SMARCA4: variants seen among roughly 807,000 people sequenced by gnomAD.
The protein encoded by SMARCA4 is SWI/SNF-related matrix-associated actin-dependent regulator of chromatin subfamily A member 4.
In SMARCA4, 31 loss-of-function variants were observed where a neutral mutation model predicts 193.9. That is an observed-to-expected ratio of 0.16 (90% CI 0.12 to 0.22). SMARCA4 has a LOEUF of 0.22. SMARCA4 is among the 10% of genes least tolerant of loss of function. SMARCA4 has a pLI of 1.00. For synonymous variants in SMARCA4, 942 were observed against 933.1 expected (o/e 1.01, Z -0.17); for missense variants, 1,148 against 2,296.0 (o/e 0.50, Z 10.22).
chr19:11,044,451 C>T (rs548655667), intron 30 of SMARCA4, among the ~76,000 whole-genome samples: 4 of 152,286 alleles, frequency 2.6e-5, no homozygotes, highest in Admixed American at 2.6e-4. Flanking sequence ...AAAGACAACA[C>T]AATTTAAAGC....
intron 24 of SMARCA4, among the ~76,000 whole-genome samples, chr19:11,029,731 T>G (rs566612351): frequency 6.6e-6 from 1 of 152,154 alleles, no homozygotes; most frequent in African/African-American, 2.4e-5. Flanking sequence ...TGGAGTGCAG[T>G]GGCATGATCT....
chr19:11,035,261 C>T, intron 29 of SMARCA4, 129 bp downstream of exon 29: 1 of 863,690 alleles, frequency 1.2e-6, no homozygotes. Flanking sequence ...TGGCCAGGCT[C>T]CGCAGGCAGC....
chr19:11,022,130 G>A (rs1438751626), intron 19 of SMARCA4, among the ~76,000 whole-genome samples, 163 bp downstream of exon 19: 1 of 152,364 alleles, frequency 6.6e-6, no homozygotes, highest in East Asian at 1.9e-4. Flanking sequence ...CAAGGCTGGG[G>A]CAGCCACAAG....
In SMARCA4 at chr19:11,060,032, C is replaced by T. The variant is rs532169644; in HGVS notation, c.4769-13C>T. On this transcript the variant is annotated splice_polypyrimidine_tract_variant and intron_variant, in intron 33 of 34. Coordinates refer to ENST00000344626, the MANE Select transcript of SMARCA4 (RefSeq NM_003072.5). ...AGAGCTCAAGGCTGTCTTTCCCTCC[C>T]GGTCCCCTCCAGCTCGGTCCGTCAA... is the stretch of plus-strand genomic sequence containing the variant. 2.4e-5 allele frequency: 38 copies of T among 1,578,362 alleles called. No individual in the cohort carries two copies. Among genetic ancestry groups the T allele is most frequent in the Middle Eastern group, 1.7e-4 (1 of 6,012 alleles).
chr19:11,000,503 G>C (rs1196272575), intron 11 of SMARCA4, among the ~76,000 whole-genome samples: 4 of 152,050 alleles, frequency 2.6e-5, no homozygotes, highest in Non-Finnish European at 1.5e-5. Flanking sequence ...TTCCAGCCTG[G>C]GGAGCTTTTT....
intron 20 of SMARCA4, 45 bp downstream of exon 20, chr19:11,023,676 G>T: frequency 8.2e-7 from 1 of 1,215,392 alleles, no homozygotes; most frequent in African/African-American, 1.5e-5. Context: ...AGCCTCACGT[G>T]GGGGCTTTCT....
At position 11,010,980 on chromosome 19, in the gene SMARCA4, A is replaced by G. The variant is rs185792100; in HGVS notation, c.2274+449A>G. The G allele has an allele frequency of 2.2e-3, 566 of 261,152 alleles. 2 individuals are homozygous for G. Among genetic ancestry groups the G allele is most frequent in the Non-Finnish European group, 3.5e-3 (456 of 129,428 alleles). The allele number at this position is 261,152 out of a possible 1,614,324, so 16.2% of individuals were successfully genotyped here. On this transcript the variant is annotated intron_variant, in intron 15 of 34. Coordinates refer to ENST00000344626, the MANE Select transcript of SMARCA4 (RefSeq NM_003072.5). ...CGGCGAGCGTCAGGAGCTTAGATCT[A>G]GGAGCCGGCAGCCCTGGACTCCGCT...
intron 30 of SMARCA4, among the ~76,000 whole-genome samples, chr19:11,057,452 C>T (rs572652410): frequency 1.3e-5 from 2 of 152,288 alleles, no homozygotes; most frequent in South Asian, 2.1e-4. Context: ...CATCCCAGGC[C>T]GGCTGCAGTG....
intron 1 of SMARCA4, among the ~76,000 whole-genome samples, chr19:10,976,891 A>G (rs2085176677): frequency 6.6e-6 from 1 of 151,994 alleles, no homozygotes; most frequent in African/African-American, 2.4e-5. Context: ...CCCTGTCTCT[A>G]CTAAAATACA....
intron 30 of SMARCA4, among the ~76,000 whole-genome samples, chr19:11,042,574 A>G (rs551117367): frequency 6.6e-6 from 1 of 152,358 alleles, no homozygotes; most frequent in Middle Eastern, 3.4e-3. Context: ...GCGTGGGGGA[A>G]TTGTATCTGT....
intron 21 of SMARCA4, 72 bp from the exon 22 acceptor site, chr19:11,025,350 C>A: frequency 2.1e-6 from 2 of 965,068 alleles, no homozygotes; most frequent in Non-Finnish European, 3.4e-6. Context: ...TCCCAACACC[C>A]ACCCATCCAC....
In SMARCA4 at chr19:11,031,272, A is replaced by G. The variant is rs1332924548; in HGVS notation, c.3546+379A>G. ...ACACACTGGCGCTTGTTCAGACACAATTGGGGGTAAACTCCATGCCACTTC... is the reference window on the plus strand; with the variant it reads ...ACACACTGGCGCTTGTTCAGACACAGTTGGGGGTAAACTCCATGCCACTTC... On this transcript the variant is annotated intron_variant, in intron 25 of 34. Transcript: ENST00000344626. The surrounding 1 kb of genome is among the most constrained non-coding windows in gnomAD (Gnocchi z 4.3). The G allele has an allele frequency of 6.2e-6, 2 of 321,870 alleles. No individual in the cohort carries two copies. Among genetic ancestry groups the G allele is most frequent in the Admixed American group, 8.4e-5 (2 of 23,896 alleles). The allele number at this position is 321,870 out of a possible 1,614,324, so 19.9% of individuals were successfully genotyped here.
chr19:11,000,063 T>C (rs2087479409), intron 11 of SMARCA4, among the ~76,000 whole-genome samples: 2 of 151,378 alleles, frequency 1.3e-5, no homozygotes, highest in Admixed American at 1.3e-4. Context: ...TCGTCTCTGC[T>C]AAAAATACAA....
At chr19:11,054,944 C>T (rs2076459291) in intron 30 of SMARCA4, among the ~76,000 whole-genome samples, 1 of 152,078 alleles carries the variant, frequency 6.6e-6, no homozygotes, top group Admixed American at 6.6e-5. Flanking sequence ...GGTGGTGGCG[C>T]CTATCCAGAG....
At chr19:11,061,633 T>C (rs952432637) in intron 34 of SMARCA4, 151 bp from the exon 35 acceptor site, 106 of 775,428 alleles carry the variant, frequency 1.4e-4, no homozygotes, top group African/African-American at 5.6e-4. Context: ...GCCTTGGCCT[T>C]CCAAAGTGCT....
At chr19:11,017,789 C>T (rs939563510) in intron 16 of SMARCA4, among the ~76,000 whole-genome samples, 1 of 152,258 alleles carries the variant, frequency 6.6e-6, no homozygotes, top group African/African-American at 2.4e-5. Flanking sequence ...TCCAAGATGC[C>T]ATCAGGGACC....
chr19:11,036,412 A>G (rs902963481), intron 29 of SMARCA4, among the ~76,000 whole-genome samples: 1 of 152,164 alleles, frequency 6.6e-6, no homozygotes, highest in African/African-American at 2.4e-5. Flanking sequence ...GGTACACACC[A>G]ACACGCCTGG....
intron 11 of SMARCA4, among the ~76,000 whole-genome samples, chr19:10,996,864 G>A (rs532990859): frequency 1.1e-4 from 16 of 152,188 alleles, no homozygotes; most frequent in Admixed American, 6.5e-4. Flanking sequence ...CCATTTTCAC[G>A]TTTTGTGTTT....
intron 13 of SMARCA4, among the ~76,000 whole-genome samples, chr19:11,004,155 T>C (rs755679997): frequency 1.3e-5 from 2 of 152,126 alleles, no homozygotes; most frequent in Non-Finnish European, 2.9e-5. Flanking sequence ...TAGCTGGGAC[T>C]TCAGGCACCT....
Sources: allele counts gnomAD v4.1 joint callset (sites outside exome capture counted in the v4.1 genomes callset), GRCh38; gene constraint gnomAD v4.1.1; non-coding constraint Gnocchi (gnomAD v3.1); transcripts MANE v1.5; gene names NCBI Gene and HGNC (gene_info 2026-07-23, HGNC 2026-07-21).